IRAK3: variants seen among roughly 807,000 people sequenced by gnomAD.
IRAK3 encodes interleukin 1 receptor associated kinase 3.
Under a neutral mutation model 56.6 loss-of-function variants are expected in IRAK3, and 57 were observed. The observed-to-expected ratio is 1.01, with a 90% CI of 0.81 to 1.26. The LOEUF (loss-of-function observed/expected upper bound fraction) is 1.26. IRAK3 is among the 50% of genes most tolerant of loss of function. IRAK3 has a pLI of 0.00. For synonymous variants in IRAK3, 258 were observed against 255.7 expected, an observed-to-expected ratio of 1.01 and a Z score of -0.09; for missense variants, 703 against 719.0, an observed-to-expected ratio of 0.98 and a Z score of 0.25.
chr12:66,193,968 T>C (rs1158853458), intron 1 of IRAK3, among the ~76,000 whole-genome samples: 2 of 152,170 alleles, frequency 1.3e-5, no homozygotes, highest in Non-Finnish European at 2.9e-5. Flanking sequence ...CACTCTGTCA[T>C]CCAGGGTGAA....
chr12:66,245,221 T>C lies in IRAK3; in HGVS notation c.1273T>C (p.Cys425Arg). The change falls in exon 11 of 12, where the codon TGT (cysteine) becomes CGT (arginine). Residue 425 changes from cysteine (C) to arginine (R), a missense_variant. By Grantham distance (180) the Cys-to-Arg change is radical. Transcript: ENST00000261233. ...SAKLFCLAGRCAATRAKLRPS... is the reference protein window; with the variant it reads ...SAKLFCLAGRRAATRAKLRPS... ...CAAGCTCTTCTGTTTGGCAGGCCGG[T>C]GTGCTGCAACGCGGGCAAAGTTAAG... 6.2e-7 allele frequency: 1 copy of C among 1,614,190 alleles called. No homozygotes were observed. Among genetic ancestry groups the C allele is most frequent in the Non-Finnish European group, 8.5e-7 (1 of 1,180,036 alleles).
At chr12:66,238,308 A>C (rs1168196126) in intron 8 of IRAK3, among the ~76,000 whole-genome samples, 1 of 152,222 alleles carries the variant, frequency 6.6e-6, no homozygotes, top group Non-Finnish European at 1.5e-5. Context: ...TTCACCTGGC[A>C]TCAACGCCTG....
intron 8 of IRAK3, among the ~76,000 whole-genome samples, chr12:66,230,094 A>C (rs909382305): frequency 6.6e-6 from 1 of 152,180 alleles, no homozygotes; most frequent in African/African-American, 2.4e-5. Flanking sequence ...GCATCAGGGC[A>C]GGGAGGGAGG....
chr12:66,231,749 G>A (rs2052845888), intron 8 of IRAK3, among the ~76,000 whole-genome samples: 1 of 152,202 alleles, frequency 6.6e-6, no homozygotes, highest in African/African-American at 2.4e-5. Flanking sequence ...AAATCAGTTG[G>A]TTGGAAAAGA....
Position 66,189,244 on chromosome 12 carries a change from G to T in IRAK3, c.-56G>T. The T allele has an allele frequency of 6.5e-7, 1 of 1,528,470 alleles. No individual in the cohort carries two copies. Among genetic ancestry groups the T allele is most frequent in the Admixed American group, 2.0e-5 (1 of 50,852 alleles). 94.7% of individuals were successfully genotyped at this position (1,528,470 alleles called of 1,614,324 possible). ...TTCCGCGGTTGTGTAACGGCCTGTC[G>T]CAGGCGTGCAGGGACCTGGACTCCG... On this transcript the variant is annotated 5_prime_UTR_variant, in exon 1 of 12. Transcript: ENST00000261233.
intron 1 of IRAK3, among the ~76,000 whole-genome samples, 167 bp downstream of exon 1, chr12:66,189,599 C>T (rs2052380191): frequency 6.6e-6 from 1 of 152,176 alleles, no homozygotes; most frequent in Non-Finnish European, 1.5e-5. Flanking sequence ...TGCAGAGACT[C>T]CCTGGGACCC....
rs190648548 is a variant in IRAK3 at position 66,206,239 on chromosome 12, T to C, written c.316+2346T>C. ...CAGTATGTTTGTTATTTTTTCTTCT[T>C]GCCTAGTTGCCCTGGCTAGAACCTT... On this transcript the variant is annotated intron_variant, in intron 2 of 11. Transcript: ENST00000261233. Among the ~76,000 whole-genome samples the C allele has an allele frequency of 2.4e-3, 368 of 152,346 alleles. 2 individuals are homozygous for C. The highest frequency in any genetic ancestry group is 3.4e-3 in the Middle Eastern group (1 of 294).
intron 1 of IRAK3, among the ~76,000 whole-genome samples, chr12:66,194,811 A>G (rs562497092): frequency 7.0e-6 from 1 of 143,540 alleles, no homozygotes; most frequent in South Asian, 2.3e-4. Flanking sequence ...ACTGGGCGAC[A>G]GAGCGAGACT....
At chr12:66,227,814 G>A (rs541775675) in intron 7 of IRAK3, among the ~76,000 whole-genome samples, 7 of 151,044 alleles carry the variant, frequency 4.6e-5, no homozygotes, top group Admixed American at 4.0e-4. Context: ...AGAGAAGGAG[G>A]TTGAATAAAT....
intron 1 of IRAK3, among the ~76,000 whole-genome samples, chr12:66,196,301 G>T (rs1020399530): frequency 1.3e-5 from 2 of 151,986 alleles, no homozygotes; most frequent in African/African-American, 2.4e-5. Context: ...ACCTTGTTGG[G>T]TTGTCTATTA....
intron 2 of IRAK3, among the ~76,000 whole-genome samples, chr12:66,207,502 C>CA (rs34131554): frequency 0.07 from 10,677 of 151,546 alleles, 1,032 homozygotes; most frequent in African/African-American, 0.22. Context: ...AGCAAACAAA[C>CA]AAAAAAATTC....
At chr12:66,212,321 G>A (rs2052620795) in intron 5 of IRAK3, among the ~76,000 whole-genome samples, 1 of 152,102 alleles carries the variant, frequency 6.6e-6, no homozygotes, top group Non-Finnish European at 1.5e-5. Flanking sequence ...AGGCTTTCGA[G>A]TAGGAACAAC....
rs1424389295 is a variant in IRAK3, at chr12:66,254,162, T to C, written c.*5991T>C. 6.6e-6 allele frequency: 1 copy of C among 152,144 alleles called. No homozygotes were observed. The highest frequency in any genetic ancestry group is 1.5e-5 in the Non-Finnish European group (1 of 68,010). The allele number at this position is 152,144 out of a possible 1,614,324, so 9.4% of individuals were successfully genotyped here. A position where few individuals can be genotyped will look rare whatever the true frequency, so the allele number is the denominator to read the frequency against. On this transcript the variant is annotated 3_prime_UTR_variant, in exon 12 of 12. Transcript: ENST00000261233. ...TGAAAACCTAAATGTTGATACACCT[T>C]TACCCAGCAGTTTGTTTAGGAATTT...
Position 66,190,094 on chromosome 12 carries a change from C to T in IRAK3, c.133+662C>T, listed in dbSNP as rs78141714. Among the ~76,000 whole-genome samples the T allele has an allele frequency of 1.4e-4, 21 of 152,244 alleles. No individual in the cohort carries two copies. The East Asian group carries it at 4.1e-3, about 29-fold the overall frequency. On this transcript the variant is annotated intron_variant, in intron 1 of 11. Coordinates refer to ENST00000261233, the MANE Select transcript of IRAK3 (RefSeq NM_007199.3). ...GTGTTGAGTGTAGCCAGAGATAATT[C>T]GGACAAAAATCTTCGTTTTGTTAAG... is the stretch of plus-strand genomic sequence containing the variant.
At chr12:66,241,940 T>C (rs2052973952) in intron 8 of IRAK3, among the ~76,000 whole-genome samples, 1 of 152,246 alleles carries the variant, frequency 6.6e-6, no homozygotes, top group African/African-American at 2.4e-5. Flanking sequence ...TTTGTTGTTA[T>C]TACTGTTGCT....
intron 2 of IRAK3, among the ~76,000 whole-genome samples, chr12:66,205,928 C>T (rs978676092): frequency 6.6e-6 from 1 of 152,222 alleles, no homozygotes; most frequent in Non-Finnish European, 1.5e-5. Flanking sequence ...CAGGACATAA[C>T]AAAATTGCTC....
Position 66,252,865 on chromosome 12 carries a change from ATTC to A in IRAK3, c.*4699_*4701del, listed in dbSNP as rs946978938. The A allele has an allele frequency of 6.6e-6, 1 of 152,184 alleles. No individual in the cohort carries two copies. Among genetic ancestry groups the A allele is most frequent in the African/African-American group, 2.4e-5 (1 of 41,422 alleles). 9.4% of individuals were successfully genotyped at this position (152,184 alleles called of 1,614,324 possible). On this transcript the variant is annotated 3_prime_UTR_variant, in exon 12 of 12. Coordinates refer to ENST00000261233, the MANE Select transcript of IRAK3 (RefSeq NM_007199.3). ...GTGGCTGGCAATTGTGACAGATTCTATTCTTCTATTGGTATGTGGTTTCTTTGG... is the reference window on the plus strand; with the variant it reads ...GTGGCTGGCAATTGTGACAGATTCTATTCTATTGGTATGTGGTTTCTTTGG...
At chr12:66,189,608 C>T (rs1361943154) in intron 1 of IRAK3, among the ~76,000 whole-genome samples, 176 bp downstream of exon 1, 2 of 152,144 alleles carry the variant, frequency 1.3e-5, no homozygotes, top group Non-Finnish European at 2.9e-5. Context: ...TCCCTGGGAC[C>T]CAGATGCCTT....
intron 1 of IRAK3, among the ~76,000 whole-genome samples, chr12:66,199,588 A>G (rs918292458): frequency 1.3e-5 from 2 of 152,122 alleles, no homozygotes; most frequent in Non-Finnish European, 2.9e-5. Flanking sequence ...TCCAGAAGCC[A>G]CCCCTCCAGA....
Sources: allele counts gnomAD v4.1 joint callset (sites outside exome capture counted in the v4.1 genomes callset), GRCh38; gene constraint gnomAD v4.1.1; transcripts MANE v1.5; gene names NCBI Gene and HGNC (gene_info 2026-07-23, HGNC 2026-07-21).